AOAH: variants seen among roughly 807,000 people sequenced by gnomAD.
AOAH encodes acyloxyacyl hydrolase, also known as acyloxyacyl hydrolase (neutrophil).
A neutral mutation model predicts 92.2 loss-of-function variants in AOAH; 64 were observed. The ratio of observed to expected loss-of-function variants is 0.69; its 90% CI spans 0.57 to 0.86. The LOEUF (loss-of-function observed/expected upper bound fraction) is 0.86. AOAH is among the 40% of genes least tolerant of loss of function. The pLI is 0.00. For synonymous variants in AOAH, 263 were observed against 254.5 expected (o/e 1.03, Z -0.32); for missense variants, 656 against 694.6 (o/e 0.94, Z 0.62).
intron 11 of AOAH, among the ~76,000 whole-genome samples, chr7:36,608,902 C>CA (rs1209091523): frequency 6.0e-5 from 1 of 16,634 alleles, no homozygotes; most frequent in African/African-American, 2.2e-4. Context: ...GGAGCTGTTG[C>CA]GGCGGGGAGG....
chr7:36,621,558 C>T (rs1017550990), intron 8 of AOAH, 152 bp downstream of exon 8: 16 of 786,890 alleles, frequency 2.0e-5, no homozygotes, highest in Admixed American at 1.5e-4. Context: ...GAATGAATGC[C>T]GTTCTTTTTT....
At chr7:36,571,587 G>A (rs1788152513) in intron 13 of AOAH, among the ~76,000 whole-genome samples, 1 of 152,222 alleles carries the variant, frequency 6.6e-6, no homozygotes, top group Non-Finnish European at 1.5e-5. Context: ...CCTCTCAGGA[G>A]TCTGTCTGCT....
At chr7:36,572,092 T>C (rs1218808982) in intron 13 of AOAH, among the ~76,000 whole-genome samples, 7 of 152,188 alleles carry the variant, frequency 4.6e-5, no homozygotes, top group African/African-American at 1.7e-4. Flanking sequence ...ATTATAAGAA[T>C]GTATTAAATG....
intron 5 of AOAH, among the ~76,000 whole-genome samples, chr7:36,635,422 T>G (rs1041573674): frequency 5.3e-5 from 8 of 152,228 alleles, no homozygotes; most frequent in Non-Finnish European, 1.2e-4. Context: ...CAGTCATCAC[T>G]CTTCTGTACA....
intron 8 of AOAH, among the ~76,000 whole-genome samples, chr7:36,621,482 C>T (rs1792273856): frequency 6.6e-6 from 1 of 152,172 alleles, no homozygotes; most frequent in Non-Finnish European, 1.5e-5. Flanking sequence ...TTGTTTACCA[C>T]CCAGCACGAT....
chr7:36,722,001 G>A (rs1257779120), intron 1 of AOAH, among the ~76,000 whole-genome samples: 3 of 152,052 alleles, frequency 2.0e-5, no homozygotes, highest in African/African-American at 7.2e-5. Flanking sequence ...CACTCTGATG[G>A]CACTCCCAGA....
intron 4 of AOAH, among the ~76,000 whole-genome samples, chr7:36,655,612 G>T (rs4723551): frequency 0.67 from 101,286 of 152,066 alleles, 34,581 homozygotes; most frequent in East Asian, 0.84. Flanking sequence ...TGTAGGCAAC[G>T]TGGAGATCCC....
At chr7:36,559,425 G>A (rs961489589) in intron 13 of AOAH, among the ~76,000 whole-genome samples, 1 of 152,092 alleles carries the variant, frequency 6.6e-6, no homozygotes, top group Non-Finnish European at 1.5e-5. Context: ...TTCTGACTTT[G>A]TAATAATAGC....
chr7:36,633,177 ACT>A (rs1218429175), intron 5 of AOAH, among the ~76,000 whole-genome samples: 2 of 152,120 alleles, frequency 1.3e-5, no homozygotes, highest in East Asian at 3.9e-4. Context: ...AGGCTTTGTG[ACT>A]CAGTGCGGGC....
intron 1 of AOAH, among the ~76,000 whole-genome samples, chr7:36,696,552 G>A (rs977791989): frequency 2.0e-5 from 3 of 151,944 alleles, no homozygotes; most frequent in Non-Finnish European, 2.9e-5. Context: ...ATTCTTAAAC[G>A]TTTGGTGCTA....
chr7:36,562,530 A>G (rs1448201918), intron 13 of AOAH, among the ~76,000 whole-genome samples: 1 of 152,218 alleles, frequency 6.6e-6, no homozygotes, highest in Non-Finnish European at 1.5e-5. Context: ...ACCTGTCTCC[A>G]ATGACGAGAA....
intron 3 of AOAH, among the ~76,000 whole-genome samples, chr7:36,662,326 C>T (rs1295999960): frequency 1.3e-5 from 2 of 152,156 alleles, no homozygotes; most frequent in Non-Finnish European, 2.9e-5. Context: ...GGAAATGCAG[C>T]GTTCATCGTG....
At chr7:36,633,890 T>C (rs1426636113) in intron 5 of AOAH, among the ~76,000 whole-genome samples, 1 of 152,186 alleles carries the variant, frequency 6.6e-6, no homozygotes, top group African/African-American at 2.4e-5. Context: ...CCCTGTGCAC[T>C]GTGAGATGCT....
intron 4 of AOAH, among the ~76,000 whole-genome samples, chr7:36,656,817 G>C (rs950590509): frequency 1.4e-5 from 2 of 143,132 alleles, no homozygotes; most frequent in African/African-American, 2.6e-5. Flanking sequence ...ACGGCACCTA[G>C]ATAAGGGCTT....
chr7:36,637,788 C>T (rs1793622681), intron 5 of AOAH, 63 bp downstream of exon 5: 2 of 1,485,304 alleles, frequency 1.3e-6, no homozygotes, highest in Non-Finnish European at 1.9e-6. Context: ...GATGTGAAAG[C>T]CGGGGCCAGT....
At chr7:36,568,970 A>G (rs538460179) in intron 13 of AOAH, among the ~76,000 whole-genome samples, 162 of 152,304 alleles carry the variant, frequency 1.1e-3, no homozygotes, top group Middle Eastern at 3.4e-3. Flanking sequence ...GGTGGTCTGC[A>G]CAAGGGGATG....
intron 4 of AOAH, among the ~76,000 whole-genome samples, chr7:36,640,821 A>C (rs1793849532): frequency 6.6e-6 from 1 of 152,116 alleles, no homozygotes; most frequent in Non-Finnish European, 1.5e-5. Flanking sequence ...GCATCACCCA[A>C]GGCTAGAGAA....
intron 13 of AOAH, among the ~76,000 whole-genome samples, chr7:36,559,531 C>A (rs1316660707): frequency 6.6e-6 from 1 of 152,004 alleles, no homozygotes; most frequent in Admixed American, 6.6e-5. Flanking sequence ...TGCTTGTTGG[C>A]TGCTTATATG....
Position 36,639,225 on chromosome 7 carries a change from A to G in AOAH, c.391-1315T>C, listed in dbSNP as rs148348093. Among the ~76,000 whole-genome samples, 206 of 152,354 alleles carry G rather than the reference A, an allele frequency of 1.4e-3. 1 individual carries two copies. The highest frequency in any genetic ancestry group is 3.7e-3 in the African/African-American group (154 of 41,582). ...TTCTAGCAAACCCTAAAATTCTCCTATTGTATAAATTAAGATTCTCTGGCA... is the reference window on the plus strand; with the variant it reads ...TTCTAGCAAACCCTAAAATTCTCCTGTTGTATAAATTAAGATTCTCTGGCA... On this transcript the variant is annotated intron_variant, in intron 4 of 20. Transcript: ENST00000617537.
Sources: allele counts gnomAD v4.1 joint callset (sites outside exome capture counted in the v4.1 genomes callset), GRCh38; gene constraint gnomAD v4.1.1; transcripts MANE v1.5; gene names NCBI Gene and HGNC (gene_info 2026-07-23, HGNC 2026-07-21).